Variants in GPC6 observed in about 807,000 individuals in gnomAD.
GPC6 encodes the protein glypican-6.
Under a neutral mutation model 55.2 loss-of-function variants are expected in GPC6, and 14 were observed. That is an observed-to-expected ratio of 0.25 (90% CI 0.17 to 0.40). The LOEUF (loss-of-function observed/expected upper bound fraction) is 0.40. GPC6 is among the 10% of genes least tolerant of loss of function. GPC6 has a pLI of 1.00. For missense variants in GPC6, 641 were observed against 708.5 expected (o/e 0.90, Z 1.08); for synonymous variants, 278 against 259.6 (o/e 1.07, Z -0.68).
intron 2 of GPC6, among the ~76,000 whole-genome samples, chr13:93,665,285 G>A (rs1474461439): frequency 6.6e-6 from 1 of 152,158 alleles, no homozygotes; most frequent in African/African-American, 2.4e-5. Flanking sequence ...CAAAATAATT[G>A]AACTGATTTG....
chr13:94,105,378 G>A (rs1032355242), intron 4 of GPC6, among the ~76,000 whole-genome samples: 2 of 151,760 alleles, frequency 1.3e-5, no homozygotes, highest in Non-Finnish European at 2.9e-5. Context: ...TCAAATAAAA[G>A]GATAGAATTG....
At chr13:93,734,978 C>A (rs1207713803) in intron 2 of GPC6, among the ~76,000 whole-genome samples, 1 of 151,980 alleles carries the variant, frequency 6.6e-6, no homozygotes, top group African/African-American at 2.4e-5. Flanking sequence ...AATGAGTAGA[C>A]CTTAAATCTT....
At chr13:93,475,729 G>A (rs777936529) in intron 1 of GPC6, among the ~76,000 whole-genome samples, 19 of 152,068 alleles carry the variant, frequency 1.2e-4, no homozygotes, top group African/African-American at 3.6e-4. Context: ...AATATAAAAC[G>A]CCAGAAATGC....
At chr13:94,252,721 T>C (rs1891393427) in intron 4 of GPC6, among the ~76,000 whole-genome samples, 1 of 152,094 alleles carries the variant, frequency 6.6e-6, no homozygotes. Context: ...ATTTTAAAAA[T>C]GCAGACTTTC....
intron 1 of GPC6, among the ~76,000 whole-genome samples, chr13:93,428,953 C>T (rs1428822826): frequency 6.6e-6 from 1 of 152,090 alleles, no homozygotes; most frequent in African/African-American, 2.4e-5. Context: ...TTGCTGGTGG[C>T]ACCAGAACTA....
chr13:93,424,974 C>T (rs1366100946), intron 1 of GPC6, among the ~76,000 whole-genome samples: 3 of 152,276 alleles, frequency 2.0e-5, no homozygotes, highest in East Asian at 3.9e-4. Flanking sequence ...CTACCCCCAA[C>T]ACACAGACCA....
intron 3 of GPC6, among the ~76,000 whole-genome samples, chr13:93,852,860 T>C (rs1046099840): frequency 6.6e-6 from 1 of 151,702 alleles, no homozygotes; most frequent in African/African-American, 2.4e-5. Flanking sequence ...GCTAGTATCA[T>C]TCCCAGAAGG....
intron 4 of GPC6, among the ~76,000 whole-genome samples, chr13:94,171,253 T>C (rs912480857): frequency 2.0e-5 from 3 of 152,164 alleles, no homozygotes; most frequent in African/African-American, 7.2e-5. Flanking sequence ...TCTCATCCTA[T>C]AGCAAATTTA....
At chr13:93,984,833 T>C (rs368023822) in intron 3 of GPC6, among the ~76,000 whole-genome samples, 1 of 152,314 alleles carries the variant, frequency 6.6e-6, no homozygotes. Flanking sequence ...TCTGAACATA[T>C]AAATATTTTT....
intron 2 of GPC6, among the ~76,000 whole-genome samples, chr13:93,573,771 A>T (rs1259168452): frequency 6.6e-6 from 1 of 152,216 alleles, no homozygotes; most frequent in Non-Finnish European, 1.5e-5. Context: ...ACACACCCAC[A>T]TATACCAATT....
intron 2 of GPC6, among the ~76,000 whole-genome samples, chr13:93,743,097 G>A (rs1287554643): frequency 1.3e-5 from 2 of 152,174 alleles, no homozygotes; most frequent in South Asian, 2.1e-4. Context: ...TGGTCTATGA[G>A]TAGAAGAATA....
chr13:93,260,618 C>T (rs1877112007), intron 1 of GPC6, among the ~76,000 whole-genome samples: 1 of 152,028 alleles, frequency 6.6e-6, no homozygotes, highest in Non-Finnish European at 1.5e-5. Flanking sequence ...ATTTAAATCA[C>T]ATTACAGGAC....
intron 2 of GPC6, among the ~76,000 whole-genome samples, chr13:93,679,932 C>T (rs1881786954): frequency 6.6e-6 from 1 of 151,928 alleles, no homozygotes; most frequent in African/African-American, 2.4e-5. Context: ...TCAGTGCAGA[C>T]ATTTCAAGGA....
rs111440279 is a variant in GPC6, at chr13:93,341,465, T to C, written c.160+113849T>C. On this transcript the variant is annotated intron_variant, in intron 1 of 8. Coordinates refer to ENST00000377047, the MANE Select transcript of GPC6 (RefSeq NM_005708.5). ...CTTGCACGAGTAAGGTGGTATCTCA[T>C]TGTGGTTTTAATTTGCATATCCCTG... Among the ~76,000 whole-genome samples, 437 of 152,344 alleles carry C rather than the reference T, an allele frequency of 2.9e-3. 4 individuals are homozygous for C. Among genetic ancestry groups the C allele is most frequent in the African/African-American group, 8.7e-3 (362 of 41,582 alleles).
intron 2 of GPC6, among the ~76,000 whole-genome samples, chr13:93,700,791 T>C (rs1186349818): frequency 6.6e-6 from 1 of 152,056 alleles, no homozygotes; most frequent in African/African-American, 2.4e-5. Context: ...AAGGATATCA[T>C]CAAGAGACCT....
intron 4 of GPC6, among the ~76,000 whole-genome samples, chr13:94,184,177 G>A (rs1889093485): frequency 6.6e-6 from 1 of 152,032 alleles, no homozygotes; most frequent in South Asian, 2.1e-4. Flanking sequence ...AAAAATCGTA[G>A]AAGAAAACCT....
intron 3 of GPC6, among the ~76,000 whole-genome samples, chr13:93,922,679 A>G (rs1046184494): frequency 6.6e-6 from 1 of 152,240 alleles, no homozygotes; most frequent in Non-Finnish European, 1.5e-5. Flanking sequence ...ATAAAGATAC[A>G]TATGGCTAAA....
At chr13:93,741,771 T>C (rs1884210799) in intron 2 of GPC6, among the ~76,000 whole-genome samples, 1 of 152,176 alleles carries the variant, frequency 6.6e-6, no homozygotes, top group Non-Finnish European at 1.5e-5. Flanking sequence ...TCTACTTAAA[T>C]AGTGTTAGCA....
intron 1 of GPC6, among the ~76,000 whole-genome samples, chr13:93,526,943 AACT>A (rs1419878290): frequency 3.3e-5 from 5 of 152,080 alleles, no homozygotes; most frequent in African/African-American, 1.2e-4. Context: ...GCAGTCTAAG[AACT>A]TTATCCCAAA....
Sources: allele counts gnomAD v4.1 joint callset (sites outside exome capture counted in the v4.1 genomes callset), GRCh38; gene constraint gnomAD v4.1.1; transcripts MANE v1.5; gene names NCBI Gene and HGNC (gene_info 2026-07-23, HGNC 2026-07-21).